Variants in DGCR2 observed in about 807,000 individuals in gnomAD.
The protein encoded by DGCR2 is DiGeorge syndrome critical region gene 2.
In DGCR2, 24 loss-of-function variants were observed where a neutral mutation model predicts 51.6. That is an observed-to-expected ratio of 0.47 (90% CI 0.34 to 0.65). DGCR2 has a LOEUF of 0.65. Ranked by LOEUF, DGCR2 falls within the 30% of genes least tolerant of loss-of-function variation. The pLI, the probability that DGCR2 is intolerant of heterozygous loss-of-function variation, is 0.01. For missense variants in DGCR2, 765 were observed against 772.1 expected, an observed-to-expected ratio of 0.99 and a Z score of 0.11; for synonymous variants, 340 against 315.4, an observed-to-expected ratio of 1.08 and a Z score of -0.82.
intron 1 of DGCR2, among the ~76,000 whole-genome samples, chr22:19,116,937 G>T (rs1018191372): frequency 9.2e-5 from 14 of 151,386 alleles, no homozygotes; most frequent in African/African-American, 3.4e-4. Context: ...ACTGCTAAGA[G>T]GAAACATGCA....
chr22:19,072,515 G>A (rs2082826311), intron 2 of DGCR2, among the ~76,000 whole-genome samples: 1 of 152,132 alleles, frequency 6.6e-6, no homozygotes, highest in Admixed American at 6.6e-5. Context: ...ACCAAAAACA[G>A]GCCATTAACA....
At chr22:19,080,440 A>T (rs1007531039) in intron 2 of DGCR2, among the ~76,000 whole-genome samples, 25 of 152,218 alleles carry the variant, frequency 1.6e-4, no homozygotes, top group Non-Finnish European at 2.8e-4. Context: ...CTTTTTTTGT[A>T]CTAGGTCTTT....
chr22:19,056,430 A>T lies in DGCR2; in HGVS notation c.802+556T>A, dbSNP rs1341559680. 5.8e-6 allele frequency: 3 copies of T among 515,798 alleles called. No individual in the cohort carries two copies. The Admixed American group carries it at 1.2e-4, about 20-fold the overall frequency. 32.0% of individuals were successfully genotyped at this position (515,798 alleles called of 1,614,324 possible). A position where few individuals can be genotyped will look rare whatever the true frequency, so the allele number is the denominator to read the frequency against. On this transcript the variant is annotated intron_variant, in intron 6 of 9. Coordinates refer to ENST00000263196, the MANE Select transcript of DGCR2 (RefSeq NM_005137.3). Reference sequence around the variant, plus strand: ...TCTCCCCAACCTGCGCACAGCTGCCATCCCAGAGCCAGCGCCATCCTGCGA... The same window carrying T: ...TCTCCCCAACCTGCGCACAGCTGCCTTCCCAGAGCCAGCGCCATCCTGCGA...
intron 7 of DGCR2, chr22:19,046,144 C>A (rs998044740): frequency 4.6e-5 from 7 of 152,340 alleles, no homozygotes; most frequent in African/African-American, 1.7e-4. Context: ...GATATTGAGA[C>A]ACCTGATCCA....
intron 6 of DGCR2, chr22:19,056,431 TC>T: frequency 2.0e-6 from 1 of 512,024 alleles, no homozygotes; most frequent in Admixed American, 3.9e-5. Flanking sequence ...ACAGCTGCCA[TC>T]CCAGAGCCAG....
intron 1 of DGCR2, among the ~76,000 whole-genome samples, chr22:19,092,964 A>AAAGGAGGAGG (rs917651303): frequency 4.2e-5 from 6 of 143,550 alleles, no homozygotes; most frequent in African/African-American, 1.6e-4. Flanking sequence ...GAAGTTAAAA[A>AAAGGAGGAGG]AAGGAGGAGG....
chr22:19,058,165 G>A (rs1486334245), intron 5 of DGCR2, among the ~76,000 whole-genome samples: 2 of 152,164 alleles, frequency 1.3e-5, no homozygotes, highest in African/African-American at 4.8e-5. Flanking sequence ...AAAAAAGCCA[G>A]TGAGTCTGGA....
intron 2 of DGCR2, among the ~76,000 whole-genome samples, chr22:19,080,627 G>A (rs148253649): frequency 4.6e-5 from 7 of 152,232 alleles, no homozygotes; most frequent in East Asian, 1.9e-4. Context: ...CTAGAGCCCC[G>A]GAGTTCAAGA....
intron 1 of DGCR2, among the ~76,000 whole-genome samples, chr22:19,118,782 AT>A (rs2146065554): frequency 6.6e-6 from 1 of 152,356 alleles, no homozygotes; most frequent in African/African-American, 2.4e-5. Context: ...GGCTCATGAT[AT>A]AATTTTGTTT....
At chr22:19,116,737 C>T (rs1210429841) in intron 1 of DGCR2, among the ~76,000 whole-genome samples, 1 of 152,114 alleles carries the variant, frequency 6.6e-6, no homozygotes, top group East Asian at 1.9e-4. Flanking sequence ...CTACTAAATG[C>T]CAATCGGGTC....
chr22:19,085,176 G>C (rs2083001199), intron 2 of DGCR2, among the ~76,000 whole-genome samples: 1 of 151,624 alleles, frequency 6.6e-6, no homozygotes, highest in South Asian at 2.1e-4. Flanking sequence ...CTAACACGAA[G>C]GGTTTAATAC....
In DGCR2 at chr22:19,122,396, C is replaced by G. The variant is rs888905600; in HGVS notation, c.-190G>C. 9.3e-6 allele frequency: 4 copies of G among 429,692 alleles called. No homozygotes were observed. Among genetic ancestry groups the G allele is most frequent in the African/African-American group, 4.2e-5 (2 of 47,794 alleles). 26.6% of individuals were successfully genotyped at this position (429,692 alleles called of 1,614,324 possible). ...TCGGCTGCAACCTCAGGCACCGACTCCAGCTGCGCGCAAGATGGCGGCCGT... is the reference window on the plus strand; with the variant it reads ...TCGGCTGCAACCTCAGGCACCGACTGCAGCTGCGCGCAAGATGGCGGCCGT... On this transcript the variant is annotated 5_prime_UTR_variant, in exon 1 of 10. Transcript: ENST00000263196.
intron 2 of DGCR2, among the ~76,000 whole-genome samples, chr22:19,075,596 T>C (rs1012709814): frequency 5.9e-5 from 9 of 152,310 alleles, no homozygotes; most frequent in African/African-American, 2.2e-4. Flanking sequence ...AATTTTTCTC[T>C]CCTCCCAGCC....
At chr22:19,080,003 GGA>G (rs1006758379) in intron 2 of DGCR2, among the ~76,000 whole-genome samples, 2 of 152,222 alleles carry the variant, frequency 1.3e-5, no homozygotes, top group African/African-American at 4.8e-5. Context: ...GACCACGGTG[GGA>G]GAGCTAGTCT....
chr22:19,090,803 A>G (rs1485776651), intron 1 of DGCR2, among the ~76,000 whole-genome samples: 4 of 127,172 alleles, frequency 3.1e-5, no homozygotes, highest in Admixed American at 7.7e-5. Context: ...AAAATAATCC[A>G]AAAGAAGGAA....
chr22:19,041,556 C>A, intron 8 of DGCR2: 1 of 594,502 alleles, frequency 1.7e-6, no homozygotes, highest in Non-Finnish European at 3.0e-6. Flanking sequence ...CACACCCCTC[C>A]AGCTGGAAGG....
intron 5 of DGCR2, among the ~76,000 whole-genome samples, chr22:19,062,779 A>ATTCATTTTTT: frequency 7.9e-6 from 1 of 127,354 alleles, no homozygotes; most frequent in Non-Finnish European, 1.8e-5. Context: ...ATGCATGCTC[A>ATTCATTTTTT]CTCTCTCTCT....
At chr22:19,074,676 TA>T (rs972656127) in intron 2 of DGCR2, among the ~76,000 whole-genome samples, 3 of 151,952 alleles carry the variant, frequency 2.0e-5, no homozygotes, top group African/African-American at 4.8e-5. Flanking sequence ...GGTTTGCTAT[TA>T]AAAAAAAGAC....
chr22:19,093,537 T>A (rs1399575956), intron 1 of DGCR2, among the ~76,000 whole-genome samples: 3 of 152,162 alleles, frequency 2.0e-5, no homozygotes, highest in African/African-American at 7.2e-5. Flanking sequence ...TTGGACTTCA[T>A]CAAAATTGAG....
Sources: allele counts gnomAD v4.1 joint callset (sites outside exome capture counted in the v4.1 genomes callset), GRCh38; gene constraint gnomAD v4.1.1; transcripts MANE v1.5; gene names NCBI Gene and HGNC (gene_info 2026-07-23, HGNC 2026-07-21).